The following RORB variants were observed in gnomAD, a reference collection of about 807,000 sequenced individuals.
RORB encodes the protein nuclear receptor ROR-beta.
Under a neutral mutation model 59.1 loss-of-function variants are expected in RORB, and 6 were observed. The ratio of observed to expected loss-of-function variants is 0.10; its 90% CI spans 0.06 to 0.20. The LOEUF (loss-of-function observed/expected upper bound fraction) is 0.20, where lower values mean the gene tolerates loss of function less well. Among genes scored for constraint, RORB ranks in the 10% least tolerant of loss-of-function variants. The pLI, the probability that RORB is intolerant of heterozygous loss-of-function variation, is 1.00. For missense variants in RORB, 320 were observed against 560.5 expected, an observed-to-expected ratio of 0.57 and a Z score of 4.33; for synonymous variants, 215 against 204.5, an observed-to-expected ratio of 1.05 and a Z score of -0.44.
In RORB at chr9:74,608,635, C is replaced by A. The variant is rs189708317; in HGVS notation, c.8-21647C>A. Among the ~76,000 whole-genome samples the A allele has an allele frequency of 1.5e-3, 223 of 151,856 alleles. 1 individual carries two copies. Among genetic ancestry groups the A allele is most frequent in the African/African-American group, 5.0e-3 (208 of 41,420 alleles). Reference sequence around the variant, plus strand: ...TATCTGTGTTATCTGTATAACTTTCCCTCTGATGAAAAATAAATAGAAGTA... The same window carrying A: ...TATCTGTGTTATCTGTATAACTTTCACTCTGATGAAAAATAAATAGAAGTA... On this transcript the variant is annotated intron_variant, in intron 1 of 9. Coordinates refer to ENST00000376896, the MANE Select transcript of RORB (RefSeq NM_006914.4).
At chr9:74,566,730 G>A (rs1363301436) in intron 1 of RORB, among the ~76,000 whole-genome samples, 1 of 152,194 alleles carries the variant, frequency 6.6e-6, no homozygotes, top group Non-Finnish European at 1.5e-5. Flanking sequence ...CCAGGAGGTG[G>A]AGGTTGCAGT....
At chr9:74,506,280 T>C (rs1825869848) in intron 1 of RORB, among the ~76,000 whole-genome samples, 1 of 152,102 alleles carries the variant, frequency 6.6e-6, no homozygotes. Context: ...GATATAATAC[T>C]GTACTCTGAA....
chr9:74,506,812 G>A (rs1462181691), intron 1 of RORB, among the ~76,000 whole-genome samples: 1 of 152,064 alleles, frequency 6.6e-6, no homozygotes, highest in Non-Finnish European at 1.5e-5. Flanking sequence ...ACAAATAATT[G>A]TTTTAAATGC....
intron 1 of RORB, among the ~76,000 whole-genome samples, chr9:74,609,233 T>A (rs1823196451): frequency 6.6e-6 from 1 of 152,214 alleles, no homozygotes; most frequent in South Asian, 2.1e-4. Flanking sequence ...AATTTACAAA[T>A]GAGGAAACAA....
intron 2 of RORB, among the ~76,000 whole-genome samples, chr9:74,633,286 AG>A (rs140921306): frequency 0.012 from 1,881 of 152,334 alleles, 31 homozygotes; most frequent in African/African-American, 0.041. Flanking sequence ...TTGCCTCACT[AG>A]GCGTACCTAG....
intron 1 of RORB, among the ~76,000 whole-genome samples, chr9:74,604,962 G>A (rs2118335436): frequency 6.6e-6 from 1 of 152,270 alleles, no homozygotes. Context: ...TCGCTAAATT[G>A]TATTCACATT....
In RORB at chr9:74,646,531, G is replaced by A. The variant is rs116468661; in HGVS notation, c.637+3716G>A. ...TAATGTTTGATATATGGAGAAAAATGTAGAAAATCATTTCATGCATTTTAG... is the reference window on the plus strand; with the variant it reads ...TAATGTTTGATATATGGAGAAAAATATAGAAAATCATTTCATGCATTTTAG... On this transcript the variant is annotated intron_variant, in intron 4 of 9. Coordinates refer to ENST00000376896, the MANE Select transcript of RORB (RefSeq NM_006914.4). 6.6e-3 allele frequency among the ~76,000 whole-genome samples: 1,007 copies of A among 152,286 alleles called. 12 individuals carry two copies. The highest frequency in any genetic ancestry group is 0.023 in the African/African-American group (967 of 41,566).
chr9:74,533,709 A>G (rs1826280006), intron 1 of RORB, among the ~76,000 whole-genome samples: 2 of 152,098 alleles, frequency 1.3e-5, no homozygotes, highest in Admixed American at 1.3e-4. Context: ...TGGCTTTGCC[A>G]TTATATCCAT....
chr9:74,571,459 CA>C (rs1822550462), intron 1 of RORB, among the ~76,000 whole-genome samples: 1 of 150,156 alleles, frequency 6.7e-6, no homozygotes, highest in African/African-American at 2.4e-5. Context: ...TTGTTCTCTC[CA>C]AAAAAAGGGT....
chr9:74,634,671 C>A lies in RORB; in HGVS notation c.134C>A (p.Ser45Tyr). 1 of 1,613,278 alleles carries A rather than the reference C, an allele frequency of 6.2e-7. No individual in the cohort carries two copies. The highest frequency in any genetic ancestry group is 1.1e-5 in the South Asian group (1 of 90,992). ...RRSQQNNASY[S>Y]CPRQRNCLID... ...AGCCAGCAGAACAATGCTTCTTATT[C>A]CTGCCCAAGGCAGAGAAACTGTTTA... Residue 45 changes from serine to tyrosine, a missense_variant, in exon 3 of 10, where the codon TCC becomes TAC. By Grantham distance (144) the Ser-to-Tyr change is moderately radical. Around this residue, in one of 4 missense-constraint regions of RORB, gnomAD observed 37 missense variants for 116.4 expected, o/e 0.32. Coordinates refer to ENST00000376896, the MANE Select transcript of RORB (RefSeq NM_006914.4).
At chr9:74,660,868 T>G (rs1266346698) in intron 5 of RORB, 130 bp downstream of exon 5, 2 of 900,656 alleles carry the variant, frequency 2.2e-6, no homozygotes, top group Non-Finnish European at 3.3e-6. Flanking sequence ...TGTTCGATAC[T>G]TACCAGCATC....
At chr9:74,548,036 T>C (rs749800090) in intron 1 of RORB, among the ~76,000 whole-genome samples, 2 of 152,202 alleles carry the variant, frequency 1.3e-5, no homozygotes, top group Non-Finnish European at 2.9e-5. Context: ...GTTTTCAATA[T>C]AGTTTTTAAA....
At chr9:74,580,508 G>T (rs897312747) in intron 1 of RORB, among the ~76,000 whole-genome samples, 1 of 152,072 alleles carries the variant, frequency 6.6e-6, no homozygotes, top group Non-Finnish European at 1.5e-5. Flanking sequence ...AGTCTCATTG[G>T]TACACTAATT....
intron 9 of RORB, among the ~76,000 whole-genome samples, chr9:74,683,647 A>G (rs1824585248): frequency 6.6e-6 from 1 of 151,992 alleles, no homozygotes; most frequent in African/African-American, 2.4e-5. Context: ...CCCAGCACCT[A>G]ATTAGGTCTC....
intron 9 of RORB, 23 bp from the exon 10 acceptor site, chr9:74,685,440 C>A: frequency 6.3e-7 from 1 of 1,584,544 alleles, no homozygotes; most frequent in South Asian, 1.1e-5. Context: ...CTCTATCTCC[C>A]TCTCTGTCTC....
intron 1 of RORB, among the ~76,000 whole-genome samples, chr9:74,626,013 C>A (rs1317353081): frequency 6.6e-6 from 1 of 152,180 alleles, no homozygotes; most frequent in African/African-American, 2.4e-5. Flanking sequence ...TTTATATAAT[C>A]TTAACACCTG....
At chr9:74,573,043 C>A (rs1325976080) in intron 1 of RORB, among the ~76,000 whole-genome samples, 1 of 152,110 alleles carries the variant, frequency 6.6e-6, no homozygotes, top group Non-Finnish European at 1.5e-5. Flanking sequence ...GTCAGGTGCC[C>A]ATTTTCCCAA....
intron 1 of RORB, among the ~76,000 whole-genome samples, chr9:74,629,881 A>C (rs1353202087): frequency 6.6e-6 from 1 of 152,138 alleles, no homozygotes; most frequent in Non-Finnish European, 1.5e-5. Flanking sequence ...TTTAAATATC[A>C]CTGAGGTAAG....
At chr9:74,536,915 G>A (rs184808049) in intron 1 of RORB, among the ~76,000 whole-genome samples, 21 of 152,046 alleles carry the variant, frequency 1.4e-4, no homozygotes, top group South Asian at 2.1e-4. Flanking sequence ...TGACCCACAC[G>A]AGGGAGAATT....
Sources: gnomAD v4.1 joint callset for allele counts (sites outside exome capture counted in the v4.1 genomes callset) on GRCh38, gnomAD v4.1.1 for gene constraint, gnomAD v4.1.1 regional missense constraint, MANE v1.5 for transcripts, NCBI Gene and HGNC (gene_info 2026-07-23, HGNC 2026-07-21) for gene names.